ENPEP: variants seen among roughly 807,000 people sequenced by gnomAD.
ENPEP encodes AP-A.
A neutral mutation model predicts 114.5 loss-of-function variants in ENPEP; 103 were observed. That is an observed-to-expected ratio of 0.90 (90% CI 0.77 to 1.06). The LOEUF (loss-of-function observed/expected upper bound fraction) is 1.06, where lower values mean the gene tolerates loss of function less well. Ranked by LOEUF, ENPEP falls within the 50% of genes least tolerant of loss-of-function variation. The probability of loss-of-function intolerance (pLI) is 0.00; values close to 1 mark genes in which losing one functional copy is unlikely to be tolerated. For missense variants in ENPEP, 1,196 were observed against 1,161.3 expected (o/e 1.03, Z -0.43); for synonymous variants, 420 against 422.0 (o/e 1.00, Z 0.06).
intron 2 of ENPEP, among the ~76,000 whole-genome samples, chr4:110,490,282 G>C (rs1309712189): frequency 6.6e-6 from 1 of 152,132 alleles, no homozygotes; most frequent in African/African-American, 2.4e-5. Flanking sequence ...ATTATACAAG[G>C]GCATGCACAC....
At chr4:110,535,485 G>A (rs1428704196) in intron 11 of ENPEP, among the ~76,000 whole-genome samples, 1 of 152,174 alleles carries the variant, frequency 6.6e-6, no homozygotes, top group East Asian at 1.9e-4. Flanking sequence ...ATGATTATGG[G>A]TTCAGTTTTG....
At chr4:110,498,637 G>A (rs1408598622) in intron 3 of ENPEP, among the ~76,000 whole-genome samples, 7 of 152,140 alleles carry the variant, frequency 4.6e-5, no homozygotes, top group Non-Finnish European at 8.8e-5. Flanking sequence ...TGGATCCAGG[G>A]CACAGCGGGG....
At position 110,561,392 on chromosome 4, in the gene ENPEP, C is replaced by T. The variant is rs758554796; in HGVS notation, c.2722-14C>T. ...TATAAATGACAATCCTAATTACTCCCCTCTCTTTTCTAGATGGAGAGCTTT... is the reference window on the plus strand; with the variant it reads ...TATAAATGACAATCCTAATTACTCCTCTCTCTTTTCTAGATGGAGAGCTTT... On this transcript the variant is annotated splice_polypyrimidine_tract_variant and intron_variant, in intron 19 of 19. Transcript: ENST00000265162. The T allele has an allele frequency of 6.2e-7, 1 of 1,612,210 alleles. No homozygotes were observed. Among genetic ancestry groups the T allele is most frequent in the South Asian group, 1.1e-5 (1 of 90,668 alleles).
At chr4:110,517,943 C>G (rs934617862) in intron 8 of ENPEP, among the ~76,000 whole-genome samples, 2 of 152,196 alleles carry the variant, frequency 1.3e-5, no homozygotes, top group African/African-American at 4.8e-5. Flanking sequence ...CTTGAGTTGT[C>G]ATCATCACTC....
At chr4:110,489,329 T>A (rs1724615141) in intron 2 of ENPEP, among the ~76,000 whole-genome samples, 2 of 152,016 alleles carry the variant, frequency 1.3e-5, no homozygotes, top group South Asian at 4.2e-4. Context: ...AAACACCGCA[T>A]GTTCTCACTC....
chr4:110,541,050 C>T (rs1726828517), intron 11 of ENPEP, among the ~76,000 whole-genome samples: 1 of 152,124 alleles, frequency 6.6e-6, no homozygotes, highest in South Asian at 2.1e-4. Flanking sequence ...TAGCAAGAAA[C>T]TCTCCTTCTG....
At position 110,564,838 on chromosome 4, in the gene ENPEP, C is replaced by T. The variant is rs62336855; in HGVS notation, c.*3280C>T. 0.16 allele frequency: 24,577 copies of T among 152,088 alleles called. 2,131 individuals carry two copies. Among genetic ancestry groups the T allele is most frequent in the East Asian group, 0.25 (1,301 of 5,164 alleles). 9.4% of individuals were successfully genotyped at this position (152,088 alleles called of 1,614,324 possible). A position where few individuals can be genotyped will look rare whatever the true frequency, so the allele number is the denominator to read the frequency against. ...CCAGCACTTGGTTTGCCATGTTCTC[C>T]GTGTTTCTTCTGCTCCTAGATGCAG... On this transcript the variant is annotated 3_prime_UTR_variant, in exon 20 of 20. Coordinates refer to ENST00000265162, the MANE Select transcript of ENPEP (RefSeq NM_001977.4).
chr4:110,561,358 TA>T (rs1261322741), intron 19 of ENPEP, 47 bp from the exon 20 acceptor site: 1 of 1,587,504 alleles, frequency 6.3e-7, no homozygotes, highest in Non-Finnish European at 8.6e-7. Context: ...TCTTGAAGAC[TA>T]ATTTGGCTAT....
chr4:110,538,733 T>C (rs1198282719), intron 11 of ENPEP, among the ~76,000 whole-genome samples: 2 of 152,240 alleles, frequency 1.3e-5, no homozygotes, highest in South Asian at 2.1e-4. Context: ...ATCATTTCTA[T>C]ATTTTAATTT....
At chr4:110,505,120 G>A (rs1465749333) in intron 3 of ENPEP, among the ~76,000 whole-genome samples, 2 of 152,194 alleles carry the variant, frequency 1.3e-5, no homozygotes, top group African/African-American at 2.4e-5. Context: ...CTGTACGAAC[G>A]TGATGACTTT....
intron 2 of ENPEP, among the ~76,000 whole-genome samples, chr4:110,490,814 C>T (rs2110338284): frequency 6.6e-6 from 1 of 152,276 alleles, no homozygotes; most frequent in South Asian, 2.1e-4. Context: ...CCCTGAAAAA[C>T]CTGATACAGT....
Position 110,549,325 on chromosome 4 carries a change from TAC to T in ENPEP, c.2152-19_2152-18del, listed in dbSNP as rs1727193899. 1 of 1,592,752 alleles carries T rather than the reference TAC, an allele frequency of 6.3e-7. No homozygotes were observed. Among genetic ancestry groups the T allele is most frequent in the East Asian group, 2.2e-5 (1 of 44,724 alleles). On this transcript the variant is annotated intron_variant, in intron 14 of 19. Transcript: ENST00000265162. ...ATATGTAGTAAATTGTTACTTATTGTACATAATACTTTTATTTCAGGAATACT... is the reference window on the plus strand; with the variant it reads ...ATATGTAGTAAATTGTTACTTATTGTATAATACTTTTATTTCAGGAATACT...
At chr4:110,480,938 CCTT>C (rs1322563936) in intron 1 of ENPEP, among the ~76,000 whole-genome samples, 2 of 152,168 alleles carry the variant, frequency 1.3e-5, no homozygotes, top group Admixed American at 1.3e-4. Context: ...ACCACACCCT[CCTT>C]CTTCCCATTT....
intron 10 of ENPEP, among the ~76,000 whole-genome samples, chr4:110,527,955 A>C (rs1451564706): frequency 6.6e-6 from 1 of 152,152 alleles, no homozygotes; most frequent in African/African-American, 2.4e-5. Context: ...ATTTCTCTTC[A>C]CACAAACCAA....
At chr4:110,504,678 G>C (rs111737466) in intron 3 of ENPEP, among the ~76,000 whole-genome samples, 141 of 152,242 alleles carry the variant, frequency 9.3e-4, no homozygotes, top group African/African-American at 3.3e-3. Context: ...TATTTTGATT[G>C]AATTTACATT....
chr4:110,509,748 T>C lies in ENPEP; in HGVS notation c.1135T>C (p.Ser379Pro), dbSNP rs1223835376. Reference sequence around the variant, plus strand: ...GAACCTGCTTTATGACCCTAAGGAATCAGCCTCATCAAACCAACAGAGGGT... The same window carrying C: ...GAACCTGCTTTATGACCCTAAGGAACCAGCCTCATCAAACCAACAGAGGGT... ...ETNLLYDPKESASSNQQRVAT... is the reference protein window; with the variant it reads ...ETNLLYDPKEPASSNQQRVAT... Residue 379 changes from serine to proline, a missense_variant, in exon 5 of 20, where the codon TCA becomes CCA. By Grantham distance (74) the Ser-to-Pro change is moderately conservative. Transcript: ENST00000265162. 4.3e-6 allele frequency: 7 copies of C among 1,614,110 alleles called. No homozygotes were observed. The highest frequency in any genetic ancestry group is 1.7e-5 in the Admixed American group (1 of 60,006).
chr4:110,553,651 T>G (rs1443558324), intron 18 of ENPEP, 196 bp downstream of exon 18: 1 of 435,820 alleles, frequency 2.3e-6, no homozygotes, highest in South Asian at 8.7e-5. Flanking sequence ...TTTCTGGAAA[T>G]TATTGTTTCA....
intron 1 of ENPEP, among the ~76,000 whole-genome samples, chr4:110,486,847 A>C (rs1308684019): frequency 6.6e-6 from 1 of 152,204 alleles, no homozygotes; most frequent in Non-Finnish European, 1.5e-5. Context: ...CCGGCTGTGC[A>C]GGAGACTGGA....
chr4:110,539,515 C>A (rs148505661), intron 11 of ENPEP, among the ~76,000 whole-genome samples: 173 of 152,170 alleles, frequency 1.1e-3, no homozygotes, highest in African/African-American at 4.0e-3. Flanking sequence ...TTTTGCATGT[C>A]ATTAGTTAAA....
Sources: gnomAD v4.1 joint callset for allele counts (sites outside exome capture counted in the v4.1 genomes callset) on GRCh38, gnomAD v4.1.1 for gene constraint, MANE v1.5 for transcripts, NCBI Gene and HGNC (gene_info 2026-07-23, HGNC 2026-07-21) for gene names.